The following ITSN1 variants were observed in gnomAD, a reference collection of about 807,000 sequenced individuals.
ITSN1 encodes intersectin-1.
ITSN1 carries 58 observed loss-of-function variants against 239.8 expected under a neutral mutation model. The ratio of observed to expected loss-of-function variants is 0.24; its 90% confidence interval spans 0.20 to 0.30. The LOEUF (loss-of-function observed/expected upper bound fraction) is 0.30, where lower values mean the gene tolerates loss of function less well. Ranked by LOEUF, ITSN1 falls within the 10% of genes least tolerant of loss-of-function variation. The probability of loss-of-function intolerance (pLI) is 1.00; values close to 1 mark genes in which losing one functional copy is unlikely to be tolerated. For synonymous variants in ITSN1, 780 were observed against 770.8 expected, an observed-to-expected ratio of 1.01 and a Z score of -0.20; for missense variants, 1,558 against 2,103.3, an observed-to-expected ratio of 0.74 and a Z score of 5.07.
chr21:33,876,105 CTTT>C (rs1983726817), intron 34 of ITSN1, among the ~76,000 whole-genome samples: 1 of 23,338 alleles, frequency 4.3e-5, no homozygotes, highest in Non-Finnish European at 8.9e-5. Flanking sequence ...TTCTTTCCTT[CTTT>C]CTTTCTTTCT....
At chr21:33,849,005 C>G (rs2075072439) in intron 29 of ITSN1, among the ~76,000 whole-genome samples, 1 of 152,222 alleles carries the variant, frequency 6.6e-6, no homozygotes, top group African/African-American at 2.4e-5. Context: ...CTTTGGGAGG[C>G]CGAGGCGGGC....
intron 3 of ITSN1, 32 bp downstream of exon 3, chr21:33,721,302 T>A (rs768163947): frequency 4.5e-6 from 6 of 1,328,684 alleles, no homozygotes; most frequent in Middle Eastern, 1.8e-4. Context: ...TCATTTTTAC[T>A]TATCAGTAGT....
chr21:33,886,238 T>C, intron 38 of ITSN1, 49 bp from the exon 39 acceptor site: 2 of 1,270,446 alleles, frequency 1.6e-6, no homozygotes, highest in Non-Finnish European at 1.1e-6. Context: ...AGAGTGGAGA[T>C]CAAAATGAGG....
intron 29 of ITSN1, among the ~76,000 whole-genome samples, chr21:33,851,547 T>C (rs1027111892): frequency 2.7e-5 from 4 of 150,838 alleles, no homozygotes; most frequent in Non-Finnish European, 5.9e-5. Context: ...TACAGGTGCC[T>C]GTCACCATGC....
intron 29 of ITSN1, among the ~76,000 whole-genome samples, chr21:33,841,300 T>C (rs1333037959): frequency 6.6e-6 from 1 of 152,216 alleles, no homozygotes; most frequent in African/African-American, 2.4e-5. Context: ...GGTTTAACCA[T>C]ATGAAATTGT....
At chr21:33,694,675 G>A (rs1457044427) in intron 1 of ITSN1, among the ~76,000 whole-genome samples, 1 of 152,134 alleles carries the variant, frequency 6.6e-6, no homozygotes, top group Non-Finnish European at 1.5e-5. Context: ...ACAAAAATTA[G>A]CCAGGCGTGG....
At position 33,703,160 on chromosome 21, in the gene ITSN1, A is replaced by AAT. The variant is rs200294888; in HGVS notation, c.-32-15627_-32-15626dup. On this transcript the variant is annotated intron_variant, in intron 1 of 39. Coordinates refer to ENST00000381318, the MANE Select transcript of ITSN1 (RefSeq NM_003024.3). ...ATAAATTGTATATATATAAAGAAAG[A>AAT]ATATATATATAAAGAATATATATGC... 5.6e-3 allele frequency among the ~76,000 whole-genome samples: 846 copies of AAT among 149,920 alleles called. 7 individuals are homozygous for AAT. Among genetic ancestry groups the AAT allele is most frequent in the African/African-American group, 0.02 (806 of 41,058 alleles).
intron 34 of ITSN1, among the ~76,000 whole-genome samples, chr21:33,881,987 C>T (rs1296314872): frequency 2.6e-5 from 4 of 151,346 alleles, no homozygotes; most frequent in Non-Finnish European, 1.5e-5. Flanking sequence ...ACACCAGTTG[C>T]ACCATAAGAC....
chr21:33,828,069 A>G (rs945126026), intron 26 of ITSN1, among the ~76,000 whole-genome samples: 1 of 152,230 alleles, frequency 6.6e-6, no homozygotes, highest in Non-Finnish European at 1.5e-5. Context: ...AGTTTTGTAC[A>G]CTTGTCATTC....
chr21:33,891,806 T>C lies in ITSN1; in HGVS notation c.*3506T>C, dbSNP rs1490063506. The C allele has an allele frequency of 6.6e-6, 1 of 152,240 alleles. No individual in the cohort carries two copies. The highest frequency in any genetic ancestry group is 2.4e-5 in the African/African-American group (1 of 41,466). The allele number at this position is 152,240 out of a possible 1,614,324, so 9.4% of individuals were successfully genotyped here. ...TATTTTAGAGTAGGCCAGTACCTTG[T>C]ATAAGCAGAAAAAGACTTCTCTATC... is the stretch of plus-strand genomic sequence containing the variant. On this transcript the variant is annotated 3_prime_UTR_variant, in exon 40 of 40. Coordinates refer to ENST00000381318, the MANE Select transcript of ITSN1 (RefSeq NM_003024.3).
At position 33,892,236 on chromosome 21, in the gene ITSN1, G is replaced by T. The variant is rs1179745692; in HGVS notation, c.*3936G>T. The T allele has an allele frequency of 6.6e-6, 1 of 152,204 alleles. No homozygotes were observed. The highest frequency in any genetic ancestry group is 1.5e-5 in the Non-Finnish European group (1 of 68,042). 9.4% of individuals were successfully genotyped at this position (152,204 alleles called of 1,614,324 possible). On this transcript the variant is annotated 3_prime_UTR_variant, in exon 40 of 40. Transcript: ENST00000381318. Reference sequence around the variant, plus strand: ...CTCACACCAGGCAGAAGCATAACCAGTAGCCCCAGAAACCGGTAGCATGAT... The same window carrying T: ...CTCACACCAGGCAGAAGCATAACCATTAGCCCCAGAAACCGGTAGCATGAT...
rs1602735930 is a variant in ITSN1 at position 33,888,554 on chromosome 21, T to G, written c.*254T>G. 1 of 379,754 alleles carries G rather than the reference T, an allele frequency of 2.6e-6. No individual in the cohort carries two copies. The highest frequency in any genetic ancestry group is 4.6e-5 in the South Asian group (1 of 21,918). The allele number at this position is 379,754 out of a possible 1,614,324, so 23.5% of individuals were successfully genotyped here. A position where few individuals can be genotyped will look rare whatever the true frequency, so the allele number is the denominator to read the frequency against. On this transcript the variant is annotated 3_prime_UTR_variant, in exon 40 of 40. Transcript: ENST00000381318. ...ACAGGTCTCATTATGGCTTCTAGGGTCGCTGAAATCCCATAGCCCTCAACA... is the reference window on the plus strand; with the variant it reads ...ACAGGTCTCATTATGGCTTCTAGGGGCGCTGAAATCCCATAGCCCTCAACA...
chr21:33,783,301 T>TAA (rs1196261116), intron 16 of ITSN1, among the ~76,000 whole-genome samples: 144 of 152,370 alleles, frequency 9.5e-4, no homozygotes, highest in African/African-American at 3.3e-3. Context: ...GAAACTTTTA[T>TAA]AATAGTTGAC....
intron 8 of ITSN1, among the ~76,000 whole-genome samples, chr21:33,758,183 A>T (rs946816185): frequency 4.1e-4 from 62 of 152,148 alleles, no homozygotes; most frequent in African/African-American, 1.4e-3. Flanking sequence ...AAGTACAGTG[A>T]CATAATCATG....
At chr21:33,793,011 T>A (rs1569190022) in intron 16 of ITSN1, among the ~76,000 whole-genome samples, 1 of 151,936 alleles carries the variant, frequency 6.6e-6, no homozygotes, top group African/African-American at 2.4e-5. Context: ...CCAGTTAAAC[T>A]TTTTCTTTTA....
At chr21:33,774,926 T>C in intron 13 of ITSN1, 42 bp from the exon 14 acceptor site, 1 of 1,602,818 alleles carries the variant, frequency 6.2e-7, no homozygotes, top group Non-Finnish European at 8.5e-7. Context: ...GATGGAACCA[T>C]TAAAAACAGT....
chr21:33,730,275 T>C (rs1220207946), intron 4 of ITSN1, among the ~76,000 whole-genome samples: 1 of 152,070 alleles, frequency 6.6e-6, no homozygotes, highest in East Asian at 1.9e-4. Context: ...ATCCTTCATT[T>C]ATTTTTGTTG....
chr21:33,753,660 G>T (rs527313817), intron 7 of ITSN1, among the ~76,000 whole-genome samples: 6 of 151,098 alleles, frequency 4.0e-5, no homozygotes, highest in African/African-American at 1.5e-4. Context: ...TACTCGGGAG[G>T]CTGAGGCAAG....
At chr21:33,773,473 T>G (rs76433775) in intron 12 of ITSN1, among the ~76,000 whole-genome samples, 1 of 152,138 alleles carries the variant, frequency 6.6e-6, no homozygotes, top group Non-Finnish European at 1.5e-5. Context: ...CATGGTTCTT[T>G]CATGTGAATG....
Sources: allele counts gnomAD v4.1 joint callset (sites outside exome capture counted in the v4.1 genomes callset), GRCh38; gene constraint gnomAD v4.1.1; transcripts MANE v1.5; gene names NCBI Gene and HGNC (gene_info 2026-07-23, HGNC 2026-07-21).